MRAP2: variants seen among roughly 807,000 people sequenced by gnomAD.
MRAP2 encodes melanocortin 2 receptor accessory protein 2.
MRAP2 carries 20 observed loss-of-function variants against 17.4 expected under a neutral mutation model. The observed-to-expected ratio is 1.15, with a 90% confidence interval of 0.81 to 1.67. MRAP2 has a LOEUF of 1.67. Ranked by LOEUF, MRAP2 falls within the 40% of genes most tolerant of loss-of-function variation. MRAP2 has a pLI of 0.00. For missense variants in MRAP2, 238 were observed against 240.0 expected (o/e 0.99, Z 0.05); for synonymous variants, 96 against 88.4 (o/e 1.09, Z -0.48).
intron 3 of MRAP2, among the ~76,000 whole-genome samples, chr6:84,072,554 C>T (rs1220855921): frequency 6.6e-6 from 1 of 152,178 alleles, no homozygotes; most frequent in East Asian, 1.9e-4. Flanking sequence ...TGGTTGGCCT[C>T]CTGCCGGGTC....
At chr6:84,093,170 A>T (rs939183243), downstream of MRAP2, among the ~76,000 whole-genome samples, 3 of 152,180 alleles carry the variant, frequency 2.0e-5, no homozygotes, top group Admixed American at 1.3e-4. Context: ...TGAAGTTGTT[A>T]TCAGTGCCCT....
upstream of MRAP2, chr6:84,033,743 G>A (rs1189380352): frequency 1.0e-6 from 1 of 985,446 alleles, no homozygotes; most frequent in Non-Finnish European, 1.2e-6. Flanking sequence ...GGGAGCGCGC[G>A]TCTCCGCCGC....
At chr6:84,104,112 C>T in the MRAP2 span, among the ~76,000 whole-genome samples, 3 of 152,164 alleles carry the variant, frequency 2.0e-5, no homozygotes, top group East Asian at 5.8e-4. Flanking sequence ...AAAAGGGTTT[C>T]CCTCAATTTG....
the MRAP2 span, among the ~76,000 whole-genome samples, chr6:84,139,867 A>G: frequency 6.7e-6 from 1 of 150,336 alleles, no homozygotes; most frequent in East Asian, 1.9e-4. Flanking sequence ...TGTTGTGAGA[A>G]GGAGAATCAC....
the MRAP2 span, among the ~76,000 whole-genome samples, chr6:84,098,559 A>G: frequency 6.6e-6 from 1 of 152,132 alleles, no homozygotes; most frequent in Non-Finnish European, 1.5e-5. Context: ...GTTTTCCAAA[A>G]TGGTTGTATG....
chr6:84,075,995 A>G (rs2099497496), intron 3 of MRAP2, among the ~76,000 whole-genome samples: 1 of 152,166 alleles, frequency 6.6e-6, no homozygotes, highest in Non-Finnish European at 1.5e-5. Flanking sequence ...TGAGGTATCT[A>G]CTGCTATGAA....
At chr6:84,113,714 G>A in the MRAP2 span, among the ~76,000 whole-genome samples, 1 of 152,178 alleles carries the variant, frequency 6.6e-6, no homozygotes, top group Non-Finnish European at 1.5e-5. Context: ...TTTTTGCAGT[G>A]GCTGGTACTG....
chr6:84,055,732 T>C (rs1483274417), intron 2 of MRAP2, among the ~76,000 whole-genome samples: 2 of 152,228 alleles, frequency 1.3e-5, no homozygotes, highest in Admixed American at 6.5e-5. Context: ...GCATTTGCTT[T>C]TTTAGCTCCT....
chr6:84,138,560 C>T, the MRAP2 span, among the ~76,000 whole-genome samples: 1 of 152,122 alleles, frequency 6.6e-6, no homozygotes, highest in Non-Finnish European at 1.5e-5. Context: ...GGTAGGTATT[C>T]CAATTAAAAG....
At chr6:84,090,993 A>G (rs1002754898), downstream of MRAP2, 7 of 152,128 alleles carry the variant, frequency 4.6e-5, no homozygotes, top group African/African-American at 1.7e-4. Flanking sequence ...TGCTGACTGT[A>G]CCATCTCTGG....
At chr6:84,082,261 G>T (rs1203947066) in intron 3 of MRAP2, among the ~76,000 whole-genome samples, 1 of 152,128 alleles carries the variant, frequency 6.6e-6, no homozygotes, top group African/African-American at 2.4e-5. Context: ...AATGCACAGG[G>T]CTAAAAACCT....
At chr6:84,071,626 T>C (rs2099496206) in intron 3 of MRAP2, among the ~76,000 whole-genome samples, 1 of 152,146 alleles carries the variant, frequency 6.6e-6, no homozygotes, top group African/African-American at 2.4e-5. Context: ...GATGTCTAGG[T>C]CTCTAGGAAG....
At chr6:84,137,783 AAGAATATTAAAACTCT>A in the MRAP2 span, among the ~76,000 whole-genome samples, 24 of 152,284 alleles carry the variant, frequency 1.6e-4, no homozygotes, top group African/African-American at 2.2e-4. Flanking sequence ...TAAAACACAA[AAGAATATTAAAACTCT>A]AGAATATTAA....
chr6:84,058,983 G>A (rs1443335555), intron 2 of MRAP2, among the ~76,000 whole-genome samples: 1 of 152,148 alleles, frequency 6.6e-6, no homozygotes, highest in East Asian at 1.9e-4. Context: ...ATTGGGGACA[G>A]CATGTACAGA....
chr6:84,142,926 T>G, the MRAP2 span, among the ~76,000 whole-genome samples: 1 of 152,102 alleles, frequency 6.6e-6, no homozygotes, highest in African/African-American at 2.4e-5. Context: ...GATGACTAGA[T>G]GTTTAATGGC....
chr6:84,113,094 G>A, the MRAP2 span, among the ~76,000 whole-genome samples: 2 of 152,168 alleles, frequency 1.3e-5, no homozygotes, highest in Non-Finnish European at 2.9e-5. Context: ...GGAGAGTTCT[G>A]TAGATGTCTA....
At chr6:84,120,847 T>C in the MRAP2 span, among the ~76,000 whole-genome samples, 1 of 152,248 alleles carries the variant, frequency 6.6e-6, no homozygotes, top group South Asian at 2.1e-4. Flanking sequence ...TAAAATTTCT[T>C]CTTTTACGTA....
chr6:84,111,245 T>A, the MRAP2 span, among the ~76,000 whole-genome samples: 1 of 152,228 alleles, frequency 6.6e-6, no homozygotes, highest in African/African-American at 2.4e-5. Context: ...GAGCATGGAA[T>A]GTTTTTCCAT....
chr6:84,102,749 G>A, the MRAP2 span, among the ~76,000 whole-genome samples: 6 of 152,034 alleles, frequency 3.9e-5, no homozygotes, highest in African/African-American at 1.5e-4. Flanking sequence ...AGGAAGGCTG[G>A]GATCAGAGTG....
Sources: gnomAD v4.1 joint callset for allele counts (sites outside exome capture counted in the v4.1 genomes callset) on GRCh38, gnomAD v4.1.1 for gene constraint, MANE v1.5 for transcripts, NCBI Gene and HGNC (gene_info 2026-07-23, HGNC 2026-07-21) for gene names.